Variants in EIF2S2 observed in about 807,000 individuals in gnomAD.
EIF2S2 encodes the protein eukaryotic translation initiation factor 2 subunit 2.
A neutral mutation model predicts 44.0 loss-of-function variants in EIF2S2; 4 were observed. The observed-to-expected ratio is 0.09, with a 90% CI of 0.04 to 0.21. EIF2S2 has a LOEUF of 0.21. Among genes scored for constraint, EIF2S2 ranks in the 10% least tolerant of loss-of-function variants. EIF2S2 has a pLI of 1.00. For missense variants in EIF2S2, 154 were observed against 392.0 expected (o/e 0.39, Z 5.13); for synonymous variants, 108 against 128.3 (o/e 0.84, Z 1.07).
intron 7 of EIF2S2, among the ~76,000 whole-genome samples, chr20:34,092,548 G>C (rs1204999491): frequency 6.6e-6 from 1 of 152,116 alleles, no homozygotes; most frequent in African/African-American, 2.4e-5. Context: ...GGCGCCTGTA[G>C]TCCCAGCTAC....
In EIF2S2 at chr20:34,088,801, T is replaced by C. The variant is rs1258137614; in HGVS notation, c.*929A>G. On this transcript the variant is annotated 3_prime_UTR_variant, in exon 9 of 9. Transcript: ENST00000374980. Reference sequence around the variant, plus strand: ...AGCATTTCTTGGTTTCTCATGGTCATATTCAAAAGCGACTTTTAAATCAGA... The same window carrying C: ...AGCATTTCTTGGTTTCTCATGGTCACATTCAAAAGCGACTTTTAAATCAGA... The C allele has an allele frequency of 6.6e-6, 1 of 152,240 alleles. No homozygotes were observed. The highest frequency in any genetic ancestry group is 2.4e-5 in the African/African-American group (1 of 41,456). 9.4% of individuals were successfully genotyped at this position (152,240 alleles called of 1,614,324 possible). A position where few individuals can be genotyped will look rare whatever the true frequency, so the allele number is the denominator to read the frequency against.
chr20:34,104,076 AG>A (rs1190275505), intron 2 of EIF2S2, among the ~76,000 whole-genome samples: 2 of 152,216 alleles, frequency 1.3e-5, no homozygotes, highest in African/African-American at 4.8e-5. Context: ...AAATCTGGTT[AG>A]GGGACCATGT....
chr20:34,098,520 A>G lies in EIF2S2; in HGVS notation c.411T>C (p.Asp137=). The change falls in exon 4 of 9, where the codon GAT becomes GAC. Residue 137 remains aspartate, a synonymous_variant. Coordinates refer to ENST00000374980, the MANE Select transcript of EIF2S2 (RefSeq NM_003908.5). Reference sequence around the variant, plus strand: ...TACCTTCATCTTTCTCTAGTATTTCATCCTCATCTGGGAACTTAACATTCT... The same window carrying G: ...TACCTTCATCTTTCTCTAGTATTTCGTCCTCATCTGGGAACTTAACATTCT... ...KKKNVKFPDE[D]EILEKDEALE... The G allele has an allele frequency of 6.2e-7, 1 of 1,613,750 alleles. No individual in the cohort carries two copies. The highest frequency in any genetic ancestry group is 8.5e-7 in the Non-Finnish European group (1 of 1,179,922).
chr20:34,107,473 A>T (rs2034362456), intron 1 of EIF2S2, among the ~76,000 whole-genome samples: 1 of 152,204 alleles, frequency 6.6e-6, no homozygotes. Context: ...AAACCACACA[A>T]GGTTACTGGG....
chr20:34,103,587 T>C, intron 2 of EIF2S2, 22 bp from the exon 3 acceptor site: 1 of 1,527,014 alleles, frequency 6.5e-7, no homozygotes, highest in South Asian at 1.2e-5. Context: ...AAGGCATAAT[T>C]ATTAACAACT....
At chr20:34,100,144 A>C (rs1342944043) in intron 3 of EIF2S2, among the ~76,000 whole-genome samples, 1 of 152,120 alleles carries the variant, frequency 6.6e-6, no homozygotes, top group Non-Finnish European at 1.5e-5. Flanking sequence ...CCTCCTGAGT[A>C]GCTGGGACTA....
In EIF2S2 at chr20:34,093,677, T is replaced by C; in HGVS notation, c.738A>G (p.Thr246=). 1 of 1,607,940 alleles carries C rather than the reference T, an allele frequency of 6.2e-7. No individual in the cohort carries two copies. ...TGTAAATGTATACAGTTTCTTACCT[T>C]GTACCCAATTCAGCCAACAAAAATG... The part of the protein sequence containing the change: ...LLAFLLAELG[T]SGSIDGNNQL... Residue 246 remains threonine (T), a splice_region_variant and synonymous_variant, in exon 7 of 9, where the codon ACA becomes ACG. Transcript: ENST00000374980.
chr20:34,102,043 C>A (rs533882203), intron 3 of EIF2S2, among the ~76,000 whole-genome samples: 5 of 152,244 alleles, frequency 3.3e-5, no homozygotes, highest in Admixed American at 3.3e-4. Flanking sequence ...GGGAGAGTAG[C>A]CCAAGACCTC....
chr20:34,093,471 G>T (rs535259959), intron 7 of EIF2S2, among the ~76,000 whole-genome samples: 1 of 152,326 alleles, frequency 6.6e-6, no homozygotes, highest in East Asian at 1.9e-4. Context: ...ACACCAGCAG[G>T]CCTGTTCAGA....
intron 6 of EIF2S2, among the ~76,000 whole-genome samples, chr20:34,095,612 G>A (rs1475855165): frequency 6.6e-6 from 1 of 152,116 alleles, no homozygotes; most frequent in East Asian, 1.9e-4. Flanking sequence ...GCGCCCAGCA[G>A]TTATCTACCT....
At chr20:34,098,461 G>A (rs762984251) in intron 4 of EIF2S2, 37 bp downstream of exon 4, 1 of 1,607,994 alleles carries the variant, frequency 6.2e-7, no homozygotes, top group East Asian at 2.2e-5. Context: ...AAAGGCTTGA[G>A]TAACCTCTAA....
chr20:34,107,438 T>G (rs912839035), intron 1 of EIF2S2, among the ~76,000 whole-genome samples: 6 of 152,178 alleles, frequency 3.9e-5, no homozygotes, highest in East Asian at 1.9e-4. Context: ...ATGTGTAAAA[T>G]GGAGACAAGT....
At chr20:34,090,068 A>G (rs1049157970) in intron 8 of EIF2S2, among the ~76,000 whole-genome samples, 163 bp from the exon 9 acceptor site, 3 of 152,206 alleles carry the variant, frequency 2.0e-5, no homozygotes, top group African/African-American at 4.8e-5. Flanking sequence ...AAGAAAACAC[A>G]AGCTGTCTGC....
intron 6 of EIF2S2, 120 bp from the exon 7 acceptor site, chr20:34,093,851 C>G: frequency 1.2e-6 from 1 of 825,764 alleles, no homozygotes; most frequent in Non-Finnish European, 1.9e-6. Flanking sequence ...TTTCACTGCA[C>G]CATTTATTTA....
At chr20:34,097,869 T>C (rs1601533279) in intron 4 of EIF2S2, among the ~76,000 whole-genome samples, 1 of 152,184 alleles carries the variant, frequency 6.6e-6, no homozygotes, top group African/African-American at 2.4e-5. Flanking sequence ...ATAAAACTCA[T>C]CTACTGACAA....
chr20:34,109,994 G>A (rs2034393989), intron 1 of EIF2S2, among the ~76,000 whole-genome samples: 1 of 150,690 alleles, frequency 6.6e-6, no homozygotes, highest in African/African-American at 2.4e-5. Flanking sequence ...AGCTACTCAG[G>A]AGAGGCTGAG....
intron 1 of EIF2S2, among the ~76,000 whole-genome samples, chr20:34,109,243 T>C (rs1395775347): frequency 6.6e-6 from 1 of 152,218 alleles, no homozygotes; most frequent in African/African-American, 2.4e-5. Flanking sequence ...CCCAATGTTC[T>C]GACTCCTTGT....
At position 34,089,620 on chromosome 20, in the gene EIF2S2, T is replaced by G; in HGVS notation, c.*110A>C. On this transcript the variant is annotated 3_prime_UTR_variant, in exon 9 of 9. Coordinates refer to ENST00000374980, the MANE Select transcript of EIF2S2 (RefSeq NM_003908.5). ...CTTCAGACCAACCACTCGCCAAAAATCTTGGCAGCTTTTTTATCTTGTTTT... is the reference window on the plus strand; with the variant it reads ...CTTCAGACCAACCACTCGCCAAAAAGCTTGGCAGCTTTTTTATCTTGTTTT... 1 of 1,291,894 alleles carries G rather than the reference T, an allele frequency of 7.7e-7. No individual in the cohort carries two copies. The highest frequency in any genetic ancestry group is 1.0e-6 in the Non-Finnish European group (1 of 962,684). 80.0% of individuals were successfully genotyped at this position (1,291,894 alleles called of 1,614,324 possible).
rs1263150455 is a variant in EIF2S2 at position 34,112,216 on chromosome 20, G to A, written c.-106C>T. The stretch of plus-strand genomic sequence containing the variant: ...CGATACCTCTCCCACCACCGCACTA[G>A]GCTCTTGCATCAGCGAAAGGAAACG... On this transcript the variant is annotated 5_prime_UTR_variant, in exon 1 of 9. Coordinates refer to ENST00000374980, the MANE Select transcript of EIF2S2 (RefSeq NM_003908.5). 3.2e-6 allele frequency: 4 copies of A among 1,252,616 alleles called. No homozygotes were observed. The highest frequency in any genetic ancestry group is 2.9e-4 in the Middle Eastern group (1 of 3,458). The allele number at this position is 1,252,616 out of a possible 1,614,324, so 77.6% of individuals were successfully genotyped here.
Sources: gnomAD v4.1 joint callset for allele counts (sites outside exome capture counted in the v4.1 genomes callset) on GRCh38, gnomAD v4.1.1 for gene constraint, MANE v1.5 for transcripts, NCBI Gene and HGNC (gene_info 2026-07-23, HGNC 2026-07-21) for gene names.